Variants in CACNG4 observed in about 807,000 individuals in gnomAD.
CACNG4 encodes voltage-dependent calcium channel gamma-4 subunit.
A neutral mutation model predicts 22.9 loss-of-function variants in CACNG4; 8 were observed. That is an observed-to-expected ratio of 0.35 (90% CI 0.21 to 0.63). CACNG4 has a LOEUF of 0.63. Ranked by LOEUF, CACNG4 falls within the 30% of genes least tolerant of loss-of-function variation. The pLI, the probability that CACNG4 is intolerant of heterozygous loss-of-function variation, is 0.72. For synonymous variants in CACNG4, 188 were observed against 191.9 expected (o/e 0.98, Z 0.17); for missense variants, 357 against 455.4 (o/e 0.78, Z 1.97).
In CACNG4 at chr17:67,024,891, C is replaced by T. The variant is rs1366760534; in HGVS notation, c.336C>T (p.Ile112=). ...TGCGAGCCTCCAGCGTCTTCCCCAT[C>T]CTCAGCACCATCCTGCTCCTGCTGG... is the stretch of plus-strand genomic sequence containing the variant. The part of the protein sequence containing the change: ...RIVRASSVFP[I]LSTILLLLGG... The change falls in exon 3 of 4, where the codon ATC becomes ATT. Residue 112 remains isoleucine, a synonymous_variant. Transcript: ENST00000262138. The T allele has an allele frequency of 2.5e-6, 4 of 1,596,518 alleles. No homozygotes were observed. In the South Asian group the frequency reaches 3.4e-5, roughly 14 times the overall value.
intron 1 of CACNG4, 121 bp from the exon 2 acceptor site, chr17:67,018,068 C>A: frequency 1.4e-6 from 1 of 726,220 alleles, no homozygotes; most frequent in Non-Finnish European, 2.4e-6. Context: ...GCCTGCCTTT[C>A]TTCTCTGTCT....
chr17:66,970,410 A>C (rs1018617733), intron 1 of CACNG4, among the ~76,000 whole-genome samples: 14 of 152,170 alleles, frequency 9.2e-5, no homozygotes, highest in Non-Finnish European at 1.8e-4. Context: ...TCCAAGATTA[A>C]GGTGTCGCTG....
chr17:67,023,633 G>A (rs1474070735), intron 2 of CACNG4, among the ~76,000 whole-genome samples: 3 of 146,228 alleles, frequency 2.1e-5, no homozygotes, highest in Non-Finnish European at 4.5e-5. Context: ...GTGCAATGGC[G>A]CAATCTCAGC....
chr17:66,966,725 G>A (rs2035173147), intron 1 of CACNG4, among the ~76,000 whole-genome samples: 1 of 152,182 alleles, frequency 6.6e-6, no homozygotes, highest in Non-Finnish European at 1.5e-5. Flanking sequence ...TAATGGCAGG[G>A]CTGAGTGGAG....
chr17:66,982,633 T>C (rs2035284124), intron 1 of CACNG4, among the ~76,000 whole-genome samples: 1 of 152,228 alleles, frequency 6.6e-6, no homozygotes, highest in Non-Finnish European at 1.5e-5. Flanking sequence ...AATAGCTCAC[T>C]GTGGCTTTGA....
intron 3 of CACNG4, among the ~76,000 whole-genome samples, chr17:67,025,903 C>T (rs937956254): frequency 6.6e-5 from 10 of 150,758 alleles, no homozygotes; most frequent in Non-Finnish European, 1.3e-4. Context: ...AGGTGCCGGG[C>T]CCCGGTTCTA....
At chr17:66,988,954 A>G (rs1440656734) in intron 1 of CACNG4, among the ~76,000 whole-genome samples, 2 of 150,690 alleles carry the variant, frequency 1.3e-5, no homozygotes, top group Admixed American at 1.3e-4. Flanking sequence ...CCAGCTACTC[A>G]GGAGGCTGAG....
At chr17:67,013,127 C>T (rs567610310) in intron 1 of CACNG4, among the ~76,000 whole-genome samples, 18 of 152,212 alleles carry the variant, frequency 1.2e-4, no homozygotes, top group African/African-American at 3.9e-4. Context: ...TGGAACCCAT[C>T]GGGTCCTGGG....
intron 1 of CACNG4, among the ~76,000 whole-genome samples, chr17:66,975,225 T>G (rs1003550277): frequency 3.3e-5 from 5 of 152,014 alleles, no homozygotes; most frequent in African/African-American, 9.7e-5. Flanking sequence ...ATCATCAGTC[T>G]CCCTGGCTCA....
At chr17:67,015,812 G>A (rs2035493818) in intron 1 of CACNG4, among the ~76,000 whole-genome samples, 1 of 152,040 alleles carries the variant, frequency 6.6e-6, no homozygotes, top group Non-Finnish European at 1.5e-5. Context: ...CTATGAAGTA[G>A]CCCAAAAAAA....
At chr17:67,017,216 A>G (rs1315252975) in intron 1 of CACNG4, among the ~76,000 whole-genome samples, 1 of 152,036 alleles carries the variant, frequency 6.6e-6, no homozygotes, top group Non-Finnish European at 1.5e-5. Flanking sequence ...AGCTGGGATT[A>G]CAAGTGCACC....
intron 1 of CACNG4, among the ~76,000 whole-genome samples, chr17:66,973,129 C>T (rs1188285269): frequency 2.0e-5 from 3 of 151,888 alleles, no homozygotes; most frequent in Admixed American, 6.6e-5. Flanking sequence ...ACCTGTAGTC[C>T]CAGCTACTCC....
At chr17:67,013,245 G>A (rs74975322) in intron 1 of CACNG4, among the ~76,000 whole-genome samples, 1,975 of 152,204 alleles carry the variant, frequency 0.013, 46 homozygotes, top group African/African-American at 0.044. Context: ...GGCCCCCAGG[G>A]TTCACACCTC....
intron 1 of CACNG4, among the ~76,000 whole-genome samples, chr17:67,009,420 A>C (rs1349711502): frequency 6.6e-6 from 1 of 152,084 alleles, no homozygotes; most frequent in Non-Finnish European, 1.5e-5. Context: ...AACCAAGAAC[A>C]TCGCTTATCA....
chr17:67,014,953 A>AG (rs1567757690), intron 1 of CACNG4, among the ~76,000 whole-genome samples: 36 of 151,600 alleles, frequency 2.4e-4, no homozygotes, highest in African/African-American at 7.8e-4. Context: ...CAAAAAAAAA[A>AG]AAAAAAGAAA....
chr17:66,995,602 A>G (rs766140093), intron 1 of CACNG4, among the ~76,000 whole-genome samples: 81 of 152,178 alleles, frequency 5.3e-4, no homozygotes, highest in Non-Finnish European at 2.2e-4. Context: ...CTGTAATCTC[A>G]GCACTTTGGG....
intron 1 of CACNG4, among the ~76,000 whole-genome samples, chr17:66,973,895 C>T (rs946015012): frequency 6.6e-6 from 1 of 152,150 alleles, no homozygotes; most frequent in Non-Finnish European, 1.5e-5. Context: ...CATGAGACTC[C>T]GGGAAGTGCT....
At chr17:66,969,370 G>A (rs1224589930) in intron 1 of CACNG4, among the ~76,000 whole-genome samples, 1 of 152,248 alleles carries the variant, frequency 6.6e-6, no homozygotes, top group Non-Finnish European at 1.5e-5. Context: ...GGAGAAAGCT[G>A]CCTCCAGCAT....
chr17:66,993,135 AG>A (rs2035351821), intron 1 of CACNG4, among the ~76,000 whole-genome samples: 1 of 152,262 alleles, frequency 6.6e-6, no homozygotes, highest in Non-Finnish European at 1.5e-5. Flanking sequence ...ATCCCCAGCC[AG>A]GGGACTCCAA....
Sources: gnomAD v4.1 joint callset for allele counts (sites outside exome capture counted in the v4.1 genomes callset) on GRCh38, gnomAD v4.1.1 for gene constraint, MANE v1.5 for transcripts, NCBI Gene and HGNC (gene_info 2026-07-23, HGNC 2026-07-21) for gene names.